UBAP2: variants seen among roughly 807,000 people sequenced by gnomAD.
The protein encoded by UBAP2 is ubiquitin associated protein 2.
UBAP2 carries 75 observed loss-of-function variants against 139.6 expected under a neutral mutation model. The ratio of observed to expected loss-of-function variants is 0.54; its 90% CI spans 0.45 to 0.65. The LOEUF (loss-of-function observed/expected upper bound fraction) is 0.65, where lower values mean the gene tolerates loss of function less well. Ranked by LOEUF, UBAP2 falls within the 30% of genes least tolerant of loss-of-function variation. The pLI is 0.00. For missense variants in UBAP2, 1,368 were observed against 1,369.6 expected (o/e 1.00, Z 0.02); for synonymous variants, 526 against 526.2 (o/e 1.00, Z 0.01).
chr9:34,046,995 C>A (rs1465410654), intron 1 of UBAP2, among the ~76,000 whole-genome samples: 3 of 152,100 alleles, frequency 2.0e-5, no homozygotes, highest in Non-Finnish European at 4.4e-5. Flanking sequence ...GCTGATCCAG[C>A]CCACATTTAA....
At chr9:34,027,918 C>A (rs1486056285) in intron 1 of UBAP2, among the ~76,000 whole-genome samples, 1 of 150,236 alleles carries the variant, frequency 6.7e-6, no homozygotes, top group East Asian at 1.9e-4. Flanking sequence ...CCCAGAACAG[C>A]CACCAACACA....
intron 22 of UBAP2, among the ~76,000 whole-genome samples, chr9:33,925,726 C>T (rs1010260645): frequency 3.9e-5 from 6 of 152,230 alleles, no homozygotes; most frequent in African/African-American, 1.4e-4. Context: ...GCAGCTCCGT[C>T]AGCTCTTTGT....
At chr9:33,941,993 T>C in intron 15 of UBAP2, 131 bp from the exon 16 acceptor site, 1 of 658,334 alleles carries the variant, frequency 1.5e-6, no homozygotes, top group South Asian at 2.0e-5. Context: ...ACCCACCTAA[T>C]TTAACTGAGA....
chr9:33,990,024 C>A (rs1821563557), intron 4 of UBAP2, among the ~76,000 whole-genome samples: 1 of 150,382 alleles, frequency 6.6e-6, no homozygotes, highest in Non-Finnish European at 1.5e-5. Context: ...TTCTCCACCT[C>A]TCCCCTAATG....
At chr9:33,927,269 G>A (rs1223627593) in intron 20 of UBAP2, among the ~76,000 whole-genome samples, 189 bp from the exon 21 acceptor site, 2 of 152,166 alleles carry the variant, frequency 1.3e-5, no homozygotes, top group African/African-American at 4.8e-5. Context: ...CCACCACACT[G>A]AGGTTGTTTC....
At chr9:34,025,597 C>T (rs1450624476) in intron 1 of UBAP2, among the ~76,000 whole-genome samples, 3 of 152,012 alleles carry the variant, frequency 2.0e-5, no homozygotes, top group Non-Finnish European at 2.9e-5. Flanking sequence ...TTCCTATTAA[C>T]GATTAAAGTG....
intron 1 of UBAP2, among the ~76,000 whole-genome samples, chr9:34,025,477 A>T (rs1416428090): frequency 6.6e-6 from 1 of 152,224 alleles, no homozygotes; most frequent in Admixed American, 6.6e-5. Flanking sequence ...ACCCGTATTT[A>T]TCTCACCTCA....
intron 1 of UBAP2, among the ~76,000 whole-genome samples, chr9:34,037,262 A>T (rs1211075147): frequency 6.6e-6 from 1 of 152,130 alleles, no homozygotes; most frequent in African/African-American, 2.4e-5. Context: ...TGCTGGGATT[A>T]CAGGCGTGAG....
intron 17 of UBAP2, 133 bp from the exon 18 acceptor site, chr9:33,933,761 G>C: frequency 3.1e-6 from 4 of 1,286,204 alleles, no homozygotes; most frequent in Non-Finnish European, 2.1e-6. Context: ...ACATTCCCCA[G>C]GAAAATGCCA....
chr9:33,975,331 C>G (rs1564039792), intron 6 of UBAP2, among the ~76,000 whole-genome samples: 2 of 151,170 alleles, frequency 1.3e-5, no homozygotes, highest in Non-Finnish European at 1.5e-5. Context: ...ACCTGGGAGG[C>G]TGAGGCAGGA....
At chr9:34,024,538 G>A (rs573252803) in intron 1 of UBAP2, among the ~76,000 whole-genome samples, 24 of 152,174 alleles carry the variant, frequency 1.6e-4, no homozygotes, top group Middle Eastern at 6.8e-3. Context: ...AAGATGTCCA[G>A]CAAAAAAATT....
intron 8 of UBAP2, among the ~76,000 whole-genome samples, chr9:33,964,676 A>G (rs1214636649): frequency 6.6e-6 from 1 of 151,438 alleles, no homozygotes; most frequent in Non-Finnish European, 1.5e-5. Context: ...TACCAACTAC[A>G]CTCCAGCCTG....
At chr9:34,031,168 T>G (rs909894476) in intron 1 of UBAP2, among the ~76,000 whole-genome samples, 7 of 148,270 alleles carry the variant, frequency 4.7e-5, no homozygotes, top group Non-Finnish European at 8.9e-5. Flanking sequence ...ATCCTACTAC[T>G]CGGGAGGCTG....
intron 6 of UBAP2, among the ~76,000 whole-genome samples, chr9:33,978,775 G>A (rs12352055): frequency 0.052 from 7,837 of 151,900 alleles, 699 homozygotes; most frequent in African/African-American, 0.18. Context: ...GCAAGACTAC[G>A]TCTCAAAAAA....
rs1416144558 is a variant in UBAP2, at chr9:33,935,997, A to G, written c.1930-119T>C. The G allele has an allele frequency of 8.4e-6, 9 of 1,069,780 alleles. No homozygotes were observed. The East Asian group carries it at 2.2e-4, about 26-fold the overall frequency. The allele number at this position is 1,069,780 out of a possible 1,614,324, so 66.3% of individuals were successfully genotyped here. ...AAGAAACAATTATCTCTTTTATTCT[A>G]TTTTTTAATAAAGGGAAGATAAACA... On this transcript the variant is annotated intron_variant, in intron 16 of 28. Transcript: ENST00000379238.
intron 5 of UBAP2, 105 bp from the exon 6 acceptor site, chr9:33,986,942 C>T: frequency 1.0e-6 from 1 of 988,526 alleles, no homozygotes; most frequent in Non-Finnish European, 1.6e-6. Context: ...AAACAGGCTA[C>T]AATTTAAACA....
chr9:33,942,281 C>T lies in UBAP2; in HGVS notation c.1716-419G>A, dbSNP rs564905872. ...GAACCAAGATCGCGCCACTGCACTC[C>T]AGCCTGGCGACAGAGCAAGACTCTG... is the stretch of plus-strand genomic sequence containing the variant. On this transcript the variant is annotated intron_variant, in intron 15 of 28. Transcript: ENST00000379238. Among the ~76,000 whole-genome samples the T allele has an allele frequency of 3.6e-4, 55 of 152,110 alleles. No individual in the cohort carries two copies. In the East Asian group the frequency reaches 9.7e-3, roughly 27 times the overall value.
At chr9:33,941,417 G>T (rs577381854) in intron 16 of UBAP2, among the ~76,000 whole-genome samples, 2 of 152,104 alleles carry the variant, frequency 1.3e-5, no homozygotes, top group African/African-American at 4.8e-5. Context: ...CATACTACAC[G>T]CATGCTTGGT....
rs776585087 is a variant in UBAP2 at position 33,927,131 on chromosome 9, A to T, written c.2372-51T>A. The stretch of plus-strand genomic sequence containing the variant: ...AGTGAAATGGTCACCACAAAGAGTG[A>T]GAGTCCTCAGCTGCTTCAGGAGGAG... On this transcript the variant is annotated intron_variant, in intron 20 of 28. Coordinates refer to ENST00000379238, the MANE Select transcript of UBAP2 (RefSeq NM_001370062.2). 5 of 1,428,038 alleles carry T rather than the reference A, an allele frequency of 3.5e-6. No homozygotes were observed. The East Asian group carries it at 1.2e-4, about 33-fold the overall frequency. The allele number at this position is 1,428,038 out of a possible 1,614,324, so 88.5% of individuals were successfully genotyped here.
Sources: gnomAD v4.1 joint callset for allele counts (sites outside exome capture counted in the v4.1 genomes callset) on GRCh38, gnomAD v4.1.1 for gene constraint, MANE v1.5 for transcripts, NCBI Gene and HGNC (gene_info 2026-07-23, HGNC 2026-07-21) for gene names.